ST6GALNAC6: variants seen among roughly 807,000 people sequenced by gnomAD.
The protein encoded by ST6GALNAC6 is alpha-N-acetylgalactosaminide alpha-2,6-sialyltransferase 6.
A neutral mutation model predicts 34.3 loss-of-function variants in ST6GALNAC6; 19 were observed. The observed-to-expected ratio is 0.55, with a 90% confidence interval of 0.39 to 0.81. ST6GALNAC6 has a LOEUF of 0.81. ST6GALNAC6 is among the 40% of genes least tolerant of loss of function. The pLI is 0.00. For missense variants in ST6GALNAC6, 377 were observed against 467.7 expected (o/e 0.81, Z 1.79); for synonymous variants, 185 against 182.1 (o/e 1.02, Z -0.13).
chr9:127,901,966 G>A (rs898852534), upstream of ST6GALNAC6, among the ~76,000 whole-genome samples: 1 of 152,014 alleles, frequency 6.6e-6, no homozygotes, highest in African/African-American at 2.4e-5. Flanking sequence ...CAAAAGTCAA[G>A]AACAATGGGG....
rs1830083969 is a variant in ST6GALNAC6, at chr9:127,890,750, C to T, written c.591G>A (p.Val197=). Residue 197 remains valine, a synonymous_variant, in exon 5 of 7, where the codon GTG becomes GTA. Coordinates refer to ENST00000373146, the MANE Select transcript of ST6GALNAC6 (RefSeq NM_013443.5). The surrounding 1 kb of genome is among the most constrained non-coding windows in gnomAD (Gnocchi z 4.3). ...SKMQKPQGSL[V]RVIQRAGLVF... The stretch of plus-strand genomic sequence containing the variant: ...CCAGGCCCGCTCGCTGGATCACACG[C>T]ACGAGGCTGCCCTGGGGCTTCTGCA... 1 of 1,613,200 alleles carries T rather than the reference C, an allele frequency of 6.2e-7. No homozygotes were observed. The highest frequency in any genetic ancestry group is 1.7e-5 in the Admixed American group (1 of 59,990).
intron 4 of ST6GALNAC6, among the ~76,000 whole-genome samples, chr9:127,891,436 T>G (rs1015363869): frequency 6.7e-6 from 1 of 148,896 alleles, no homozygotes; most frequent in Non-Finnish European, 1.5e-5. Context: ...GCCAATATGG[T>G]GAAATCCCAT....
At chr9:127,897,468 A>C in intron 2 of ST6GALNAC6, 79 of 982,958 alleles carry the variant, frequency 8.0e-5, no homozygotes, top group South Asian at 9.2e-5. Flanking sequence ...TGGTTAGATC[A>C]TGGCCCCGCC....
At chr9:127,886,809 G>T (rs753490235) in intron 6 of ST6GALNAC6, 21 bp from the exon 7 acceptor site, 1 of 1,579,368 alleles carries the variant, frequency 6.3e-7, no homozygotes, top group Non-Finnish European at 8.6e-7. Context: ...GCAGACGGGC[G>T]TCATCAGGGC....
At chr9:127,903,699 G>C (rs142088272), upstream of ST6GALNAC6, 1 of 152,238 alleles carries the variant, frequency 6.6e-6, no homozygotes, top group East Asian at 1.9e-4. Flanking sequence ...CGCCGACCCC[G>C]CCCTACAAGT....
At chr9:127,889,437 T>C (rs543798644) in intron 5 of ST6GALNAC6, among the ~76,000 whole-genome samples, 2,441 of 26,126 alleles carry the variant, frequency 0.093, 77 homozygotes, top group African/African-American at 0.2. Context: ...CAATTTCTCT[T>C]TTTTTTCTTT....
upstream of ST6GALNAC6, chr9:127,903,725 C>G (rs1002583251): frequency 1.3e-5 from 2 of 152,224 alleles, no homozygotes; most frequent in African/African-American, 2.4e-5. Flanking sequence ...GATGGAAAAC[C>G]ATGGAGTGGG....
chr9:127,901,319 G>A (rs1202223634), upstream of ST6GALNAC6, among the ~76,000 whole-genome samples: 5 of 152,144 alleles, frequency 3.3e-5, no homozygotes, highest in East Asian at 1.9e-4. Flanking sequence ...GGCCGGGCGC[G>A]GTGGCTCATG....
intron 5 of ST6GALNAC6, among the ~76,000 whole-genome samples, chr9:127,888,377 GCCTGTAGTC>G (rs1829915305): frequency 6.6e-6 from 1 of 151,726 alleles, no homozygotes; most frequent in African/African-American, 2.4e-5. Flanking sequence ...GGTGGCACGT[GCCTGTAGTC>G]CCAGCTACAT....
Position 127,886,470 on chromosome 9 carries a change from C to T in ST6GALNAC6, c.*129G>A. On this transcript the variant is annotated 3_prime_UTR_variant, in exon 7 of 7. Coordinates refer to ENST00000373146, the MANE Select transcript of ST6GALNAC6 (RefSeq NM_013443.5). ...CCTGATTGGCTGGAGGATACATCCT[C>T]CTCAAGGCCCTGATTGGCTGGGAGA... 6.8e-7 allele frequency: 1 copy of T among 1,468,690 alleles called. No individual in the cohort carries two copies. The highest frequency in any genetic ancestry group is 9.0e-7 in the Non-Finnish European group (1 of 1,109,710). The allele number at this position is 1,468,690 out of a possible 1,614,324, so 91.0% of individuals were successfully genotyped here.
At chr9:127,891,758 G>T (rs1370131880) in intron 4 of ST6GALNAC6, among the ~76,000 whole-genome samples, 1 of 133,812 alleles carries the variant, frequency 7.5e-6, no homozygotes, top group Non-Finnish European at 1.6e-5. Context: ...GAAGAAGACA[G>T]GGGGAGGGGA....
Position 127,896,246 on chromosome 9 carries a change from T to C in ST6GALNAC6, c.113A>G (p.Asn38Ser), listed in dbSNP as rs200583776. The stretch of plus-strand genomic sequence containing the variant: ...AAGAAATGAAGGCAGACTTACTTTG[T>C]TGCTACTCATTTCTCTCCGGCGTCT... ...LSRRRREMSS[N>S]KEQRSAVFVI... Residue 38 changes from asparagine (N) to serine (S), a missense_variant, in exon 3 of 7, where the codon AAC (asparagine) becomes AGC (serine). By Grantham distance (46) the Asn-to-Ser change is conservative. Coordinates refer to ENST00000373146, the MANE Select transcript of ST6GALNAC6 (RefSeq NM_013443.5). 5 of 1,614,162 alleles carry C rather than the reference T, an allele frequency of 3.1e-6. No homozygotes were observed. The highest frequency in any genetic ancestry group is 1.3e-5 in the African/African-American group (1 of 75,060).
At chr9:127,887,616 G>A (rs369700689) in intron 5 of ST6GALNAC6, 25 bp from the exon 6 acceptor site, 3 of 1,573,738 alleles carry the variant, frequency 1.9e-6, no homozygotes, top group African/African-American at 2.7e-5. Flanking sequence ...GGGTCACGAT[G>A]AGGGCACATG....
At chr9:127,900,417 T>G (rs941603677), upstream of ST6GALNAC6, among the ~76,000 whole-genome samples, 1 of 151,564 alleles carries the variant, frequency 6.6e-6, no homozygotes, top group African/African-American at 2.4e-5. Context: ...AAAATTAGCC[T>G]GGCGTGGTGG....
chr9:127,890,993 G>C lies in ST6GALNAC6; in HGVS notation c.348C>G (p.His116Gln). 1 of 1,614,144 alleles carries C rather than the reference G, an allele frequency of 6.2e-7. No homozygotes were observed. Among genetic ancestry groups the C allele is most frequent in the Non-Finnish European group, 8.5e-7 (1 of 1,180,036 alleles). The part of the protein sequence containing the change: ...HQCVIVSSSS[H>Q]LLGTKLGPEI... ...CAGGGCCCAGCTTGGTGCCCAGCAG[G>C]TGGCTGGAGCTGCTGACAATCACAC... Residue 116 changes from histidine to glutamine, a missense_variant, in exon 5 of 7, where the codon CAC (histidine) becomes CAG (glutamine). His to Gln is a conservative substitution (Grantham distance 24). Transcript: ENST00000373146. This position sits in a 1 kb window ranked among gnomAD's most constrained non-coding sequence, Gnocchi z 4.3.
Position 127,905,287 on chromosome 9 carries a change from G to A in ST6GALNAC6, c.-157C>T, listed in dbSNP as rs1240316564. The A allele has an allele frequency of 1.8e-5, 18 of 985,430 alleles. No homozygotes were observed. The South Asian group carries it at 5.2e-4, about 28-fold the overall frequency. 61.0% of individuals were successfully genotyped at this position (985,430 alleles called of 1,614,324 possible). ...ATCAAGACAGCCTTCAGTAGACCCC[G>A]AACCAGCCACCAGACCTGTCAAGGA... On this transcript the variant is annotated 5_prime_UTR_variant, in exon 1 of 6. Transcript: ENST00000622357.
chr9:127,886,325 A>C lies in ST6GALNAC6; in HGVS notation c.*274T>G. On this transcript the variant is annotated 3_prime_UTR_variant, in exon 7 of 7. Transcript: ENST00000373146. ...AGGACATGTCCTTAGCCTCAGATTG[A>C]CTCAGAAATACCCCCTCTACCCTGA... is the stretch of plus-strand genomic sequence containing the variant. 1 of 888,182 alleles carries C rather than the reference A, an allele frequency of 1.1e-6. No homozygotes were observed. The highest frequency in any genetic ancestry group is 2.3e-5 in the South Asian group (1 of 42,580). 55.0% of individuals were successfully genotyped at this position (888,182 alleles called of 1,614,324 possible).
At chr9:127,897,719 C>A in intron 2 of ST6GALNAC6, 2 of 994,414 alleles carry the variant, frequency 2.0e-6, no homozygotes, top group Non-Finnish European at 1.4e-6. Flanking sequence ...CCCCATCTGC[C>A]CTGAGACCTT....
At chr9:127,895,083 T>TAAG (rs941780330) in intron 3 of ST6GALNAC6, among the ~76,000 whole-genome samples, 38 of 152,356 alleles carry the variant, frequency 2.5e-4, no homozygotes, top group Admixed American at 1.8e-3. Flanking sequence ...TGAGAGGGTC[T>TAAG]AGGTCTTCCC....
Sources: allele counts gnomAD v4.1 joint callset (sites outside exome capture counted in the v4.1 genomes callset), GRCh38; gene constraint gnomAD v4.1.1; non-coding constraint Gnocchi (gnomAD v3.1); transcripts MANE v1.5; gene names NCBI Gene and HGNC (gene_info 2026-07-23, HGNC 2026-07-21).